The following ANGPT1 variants were observed in gnomAD, a reference collection of about 807,000 sequenced individuals.
ANGPT1 encodes angiopoietin-1.
ANGPT1 carries 17 observed loss-of-function variants against 62.2 expected under a neutral mutation model. The ratio of observed to expected loss-of-function variants is 0.27; its 90% CI spans 0.19 to 0.41. ANGPT1 has a LOEUF of 0.41. Ranked by LOEUF, ANGPT1 falls within the 10% of genes least tolerant of loss-of-function variation. The pLI is 1.00. For missense variants in ANGPT1, 478 were observed against 594.9 expected, an observed-to-expected ratio of 0.80 and a Z score of 2.04; for synonymous variants, 199 against 198.9, an observed-to-expected ratio of 1.00 and a Z score of 0.00.
intron 8 of ANGPT1, among the ~76,000 whole-genome samples, chr8:107,257,794 G>A (rs1409039904): frequency 6.6e-6 from 1 of 151,872 alleles, no homozygotes; most frequent in African/African-American, 2.4e-5. Context: ...GGTCTTGCAT[G>A]CAGGAGGCAA....
At chr8:107,303,489 G>T (rs1814644118) in intron 4 of ANGPT1, 122 bp from the exon 5 acceptor site, 2 of 757,982 alleles carry the variant, frequency 2.6e-6, no homozygotes, top group East Asian at 2.8e-5. Context: ...ATCGCACATA[G>T]TAAAAAGTCA....
intron 4 of ANGPT1, among the ~76,000 whole-genome samples, chr8:107,313,426 G>GCTGT (rs1563564003): frequency 1.7e-5 from 1 of 57,924 alleles, no homozygotes; most frequent in East Asian, 5.4e-4. Flanking sequence ...AATGTTACTA[G>GCTGT]TTGTTTTTTT....
chr8:107,279,196 T>TA (rs1813937486), intron 7 of ANGPT1, among the ~76,000 whole-genome samples: 1 of 152,204 alleles, frequency 6.6e-6, no homozygotes, highest in African/African-American at 2.4e-5. Context: ...AAGTGTTTAT[T>TA]AGAGAGATCA....
intron 8 of ANGPT1, among the ~76,000 whole-genome samples, chr8:107,254,398 T>TA (rs945102170): frequency 1.3e-5 from 2 of 151,930 alleles, no homozygotes; most frequent in Non-Finnish European, 2.9e-5. Flanking sequence ...AGCAGGCACA[T>TA]AAAATAACTA....
intron 1 of ANGPT1, among the ~76,000 whole-genome samples, chr8:107,399,046 G>A (rs184957293): frequency 1.2e-3 from 187 of 152,264 alleles, no homozygotes; most frequent in Non-Finnish European, 2.3e-3. Context: ...ACCTCCATTC[G>A]TATTCCAGAA....
chr8:107,295,826 G>A (rs557925514), intron 5 of ANGPT1, among the ~76,000 whole-genome samples: 1 of 152,170 alleles, frequency 6.6e-6, no homozygotes, highest in African/African-American at 2.4e-5. Context: ...AGAAAGAAAG[G>A]AATTGCTATT....
chr8:107,289,275 A>G (rs1056766462), intron 6 of ANGPT1, among the ~76,000 whole-genome samples: 5 of 152,162 alleles, frequency 3.3e-5, no homozygotes, highest in Non-Finnish European at 7.4e-5. Flanking sequence ...AAAGATCAAC[A>G]TTTGTTAGTT....
intron 7 of ANGPT1, among the ~76,000 whole-genome samples, chr8:107,277,470 T>C (rs111415344): frequency 2.0e-5 from 3 of 152,188 alleles, no homozygotes; most frequent in African/African-American, 4.8e-5. Context: ...GTACTAATGT[T>C]TGAGATAATA....
At chr8:107,339,723 A>G (rs900074082) in intron 2 of ANGPT1, among the ~76,000 whole-genome samples, 3 of 152,166 alleles carry the variant, frequency 2.0e-5, no homozygotes, top group African/African-American at 4.8e-5. Context: ...CTGGGGGCCT[A>G]GGACACTGCA....
chr8:107,411,345 T>G (rs1817263337), intron 1 of ANGPT1, among the ~76,000 whole-genome samples: 1 of 152,210 alleles, frequency 6.6e-6, no homozygotes, highest in Non-Finnish European at 1.5e-5. Context: ...TAAACATTGT[T>G]TGTTTGGTAC....
At chr8:107,323,166 T>C (rs748612705) in intron 3 of ANGPT1, among the ~76,000 whole-genome samples, 2 of 152,156 alleles carry the variant, frequency 1.3e-5, no homozygotes, top group African/African-American at 4.8e-5. Context: ...ATATTGCACA[T>C]TAAAAATGAT....
chr8:107,271,015 G>A (rs376762628), intron 7 of ANGPT1, among the ~76,000 whole-genome samples: 4 of 151,850 alleles, frequency 2.6e-5, no homozygotes, highest in South Asian at 4.1e-4. Context: ...AAATAAGTAC[G>A]AATGAAAGAA....
chr8:107,372,361 A>T (rs566050137), intron 1 of ANGPT1, among the ~76,000 whole-genome samples: 1 of 152,170 alleles, frequency 6.6e-6, no homozygotes, highest in African/African-American at 2.4e-5. Flanking sequence ...TAATAAAGGG[A>T]TATAAGAAAA....
intron 1 of ANGPT1, among the ~76,000 whole-genome samples, chr8:107,473,065 G>A (rs1812404552): frequency 6.6e-6 from 1 of 152,030 alleles, no homozygotes; most frequent in African/African-American, 2.4e-5. Context: ...ATAAAATCAT[G>A]AGAATGCAAG....
At chr8:107,428,759 C>A (rs1313668367) in intron 1 of ANGPT1, among the ~76,000 whole-genome samples, 1 of 152,060 alleles carries the variant, frequency 6.6e-6, no homozygotes, top group African/African-American at 2.4e-5. Flanking sequence ...GCTAATTCAC[C>A]TTTATGGGAA....
intron 1 of ANGPT1, among the ~76,000 whole-genome samples, chr8:107,358,416 T>A (rs1816094093): frequency 6.6e-6 from 1 of 152,002 alleles, no homozygotes; most frequent in Admixed American, 6.6e-5. Flanking sequence ...CTAGAGACAG[T>A]GGGCATTGTT....
chr8:107,286,286 G>T (rs145637156), intron 6 of ANGPT1, among the ~76,000 whole-genome samples: 61 of 152,256 alleles, frequency 4.0e-4, no homozygotes, highest in African/African-American at 1.4e-3. Context: ...TGGGAAAAGA[G>T]AGTTTTAATT....
intron 7 of ANGPT1, among the ~76,000 whole-genome samples, chr8:107,279,274 T>G (rs1813939728): frequency 6.6e-6 from 1 of 152,328 alleles, no homozygotes; most frequent in South Asian, 2.1e-4. Flanking sequence ...GGTAGTTCTA[T>G]TGTAGAAAAT....
chr8:107,340,526 G>T (rs567122019), intron 2 of ANGPT1, among the ~76,000 whole-genome samples: 1 of 152,076 alleles, frequency 6.6e-6, no homozygotes, highest in Non-Finnish European at 1.5e-5. Context: ...AAAAGTCAGA[G>T]ATTGAGGTAG....
Sources: gnomAD v4.1 joint callset for allele counts (sites outside exome capture counted in the v4.1 genomes callset) on GRCh38, gnomAD v4.1.1 for gene constraint, MANE v1.5 for transcripts, NCBI Gene and HGNC (gene_info 2026-07-23, HGNC 2026-07-21) for gene names.